Variants in FRMD4A observed in about 807,000 individuals in gnomAD.
FRMD4A encodes the protein FERM domain containing 4A, also known as FERM domain-containing protein 4A.
FRMD4A carries 29 observed loss-of-function variants against 129.1 expected under a neutral mutation model. The observed-to-expected ratio is 0.22, with a 90% CI of 0.17 to 0.31. The LOEUF is 0.31. Ranked by LOEUF, FRMD4A falls within the 10% of genes least tolerant of loss-of-function variation. The pLI, the probability that FRMD4A is intolerant of heterozygous loss-of-function variation, is 1.00. For missense variants in FRMD4A, 1,272 were observed against 1,375.8 expected (o/e 0.92, Z 1.19); for synonymous variants, 634 against 571.6 (o/e 1.11, Z -1.56).
At chr10:14,300,929 T>G (rs1846162648) in intron 2 of FRMD4A, among the ~76,000 whole-genome samples, 1 of 152,176 alleles carries the variant, frequency 6.6e-6, no homozygotes, top group Non-Finnish European at 1.5e-5. Context: ...CCTGAGAGTT[T>G]TGGCCAACAA....
intron 6 of FRMD4A, among the ~76,000 whole-genome samples, chr10:13,767,974 GGT>G (rs1011527612): frequency 3.3e-5 from 5 of 152,072 alleles, no homozygotes; most frequent in Non-Finnish European, 7.4e-5. Flanking sequence ...GTGGCCACTG[GGT>G]GTGTACTTTA....
chr10:13,657,787 G>GTTTTTTTT lies in FRMD4A; in HGVS notation c.2067-266_2067-265insAAAAAAAA, dbSNP rs1204181870. On this transcript the variant is annotated intron_variant, in intron 21 of 24. Transcript: ENST00000357447. The stretch of plus-strand genomic sequence containing the variant: ...ACTCACAGAAAGGTTTCGATTTCTG[G>GTTTTTTTT]GTTTTTTTTTTTTTTTAAATAATTC... Among the ~76,000 whole-genome samples the GTTTTTTTT allele has an allele frequency of 6.5e-3, 726 of 110,958 alleles. 10 individuals carry two copies. The highest frequency in any genetic ancestry group is 0.024 in the African/African-American group (644 of 27,080). The allele number at this position is 110,958 out of a possible 152,430, so 72.8% of individuals were successfully genotyped here. A position where few individuals can be genotyped will look rare whatever the true frequency, so the allele number is the denominator to read the frequency against.
intron 2 of FRMD4A, among the ~76,000 whole-genome samples, chr10:14,027,270 G>A (rs1430327976): frequency 6.6e-6 from 1 of 151,482 alleles, no homozygotes; most frequent in Non-Finnish European, 1.5e-5. Context: ...CAGTTGCCAA[G>A]AGAGAGTTGA....
intron 3 of FRMD4A, among the ~76,000 whole-genome samples, 176 bp downstream of exon 3, chr10:13,858,671 T>C (rs2094247905): frequency 2.0e-5 from 3 of 152,176 alleles, no homozygotes; most frequent in African/African-American, 7.2e-5. Flanking sequence ...GGTGTACAGA[T>C]ACAACCAAAA....
At position 13,656,892 on chromosome 10, in the gene FRMD4A, C is replaced by T. The variant is rs1211653927; in HGVS notation, c.2697G>A (p.Ser899=). Residue 899 remains serine (S), a synonymous_variant, in exon 22 of 25, where the codon TCG becomes TCA. Transcript: ENST00000357447. ...ACGGAGTCCGCAGGATCTGCGATCGCGACGGCGTCAGGCGGCCCGTGTCGC... is the reference window on the plus strand; with the variant it reads ...ACGGAGTCCGCAGGATCTGCGATCGTGACGGCGTCAGGCGGCCCGTGTCGC... ...DEGDTGRLTP[S]RSQILRTPSL... 5 of 1,481,618 alleles carry T rather than the reference C, an allele frequency of 3.4e-6. No homozygotes were observed. Among genetic ancestry groups the T allele is most frequent in the African/African-American group, 2.9e-5 (2 of 68,914 alleles). 91.8% of individuals were successfully genotyped at this position (1,481,618 alleles called of 1,614,324 possible). A position where few individuals can be genotyped will look rare whatever the true frequency, so the allele number is the denominator to read the frequency against.
intron 2 of FRMD4A, among the ~76,000 whole-genome samples, chr10:14,196,576 C>CA: frequency 6.6e-6 from 1 of 152,200 alleles, no homozygotes; most frequent in African/African-American, 2.4e-5. Flanking sequence ...ATGCCCAAAC[C>CA]AAAACAATAC....
intron 3 of FRMD4A, among the ~76,000 whole-genome samples, chr10:13,840,125 C>A (rs2093939546): frequency 6.6e-6 from 1 of 152,338 alleles, no homozygotes; most frequent in South Asian, 2.1e-4. Flanking sequence ...TCCTAAAATT[C>A]ATTCCCAAAG....
At chr10:13,880,550 G>T (rs920790877) in intron 2 of FRMD4A, among the ~76,000 whole-genome samples, 5 of 152,162 alleles carry the variant, frequency 3.3e-5, no homozygotes, top group African/African-American at 7.2e-5. Flanking sequence ...ACAATGGGGA[G>T]AGCCCCCCAG....
Position 13,695,804 on chromosome 10 carries a change from C to T in FRMD4A, c.976-1765G>A, listed in dbSNP as rs575019142. On this transcript the variant is annotated intron_variant, in intron 14 of 24. Coordinates refer to ENST00000357447, the MANE Select transcript of FRMD4A (RefSeq NM_018027.5). The stretch of plus-strand genomic sequence containing the variant: ...GCCATGGAGGGGTGTGGACCCACCA[C>T]TCCTGGATGCCCCGTGTACAGCCTA... Among the ~76,000 whole-genome samples the T allele has an allele frequency of 1.2e-4, 19 of 152,360 alleles. No homozygotes were observed. The South Asian group carries it at 3.9e-3, about 32-fold the overall frequency.
intron 6 of FRMD4A, among the ~76,000 whole-genome samples, chr10:13,776,258 G>A (rs2092594916): frequency 6.6e-6 from 1 of 152,166 alleles, no homozygotes; most frequent in Non-Finnish European, 1.5e-5. Flanking sequence ...CTGCAGGCAT[G>A]TGCCACCACA....
chr10:14,234,546 C>T lies in FRMD4A; in HGVS notation c.45+95512G>A, dbSNP rs565425932. Among the ~76,000 whole-genome samples the T allele has an allele frequency of 3.3e-5, 5 of 152,218 alleles. 1 individual carries two copies. Among genetic ancestry groups the T allele is most frequent in the East Asian group, 1.9e-4 (1 of 5,176 alleles). On this transcript the variant is annotated intron_variant, in intron 2 of 24. Coordinates refer to ENST00000357447, the MANE Select transcript of FRMD4A (RefSeq NM_018027.5). ...ACAAGTCGGTGGCTCTATTTGGGGA[C>T]GCCATAGCAGGGCTGGAATTCGGCA... is the stretch of plus-strand genomic sequence containing the variant.
At chr10:13,944,377 C>T (rs2095316380) in intron 2 of FRMD4A, among the ~76,000 whole-genome samples, 2 of 152,060 alleles carry the variant, frequency 1.3e-5, no homozygotes, top group Admixed American at 6.6e-5. Context: ...CACTGTCTCC[C>T]ATCACCCTCA....
At chr10:13,876,071 C>T (rs766399757) in intron 2 of FRMD4A, among the ~76,000 whole-genome samples, 6 of 152,194 alleles carry the variant, frequency 3.9e-5, no homozygotes, top group Non-Finnish European at 8.8e-5. Context: ...TGGGTTGCCC[C>T]GTTATCACTG....
intron 2 of FRMD4A, among the ~76,000 whole-genome samples, chr10:14,247,583 G>A (rs1234084811): frequency 6.6e-6 from 1 of 152,044 alleles, no homozygotes; most frequent in Non-Finnish European, 1.5e-5. Flanking sequence ...TCTGGAGTGT[G>A]GCCCAAAGAT....
chr10:13,874,909 T>C (rs1225322344), intron 2 of FRMD4A, among the ~76,000 whole-genome samples: 4 of 152,178 alleles, frequency 2.6e-5, no homozygotes, highest in African/African-American at 7.2e-5. Context: ...GTAGAGGAAA[T>C]ACCCAAGTTA....
intron 2 of FRMD4A, among the ~76,000 whole-genome samples, chr10:14,328,955 C>T (rs151046601): frequency 8.3e-4 from 126 of 152,246 alleles, no homozygotes; most frequent in African/African-American, 2.9e-3. Flanking sequence ...AGCAGAGGCC[C>T]ATGAGATAGA....
rs151201691 is a variant in FRMD4A at position 13,781,545 on chromosome 10, T to G, written c.384+1377A>C. Among the ~76,000 whole-genome samples, 27 of 151,860 alleles carry G rather than the reference T, an allele frequency of 1.8e-4. No individual in the cohort carries two copies. In the East Asian group the frequency reaches 5.3e-3, roughly 30 times the overall value. On this transcript the variant is annotated intron_variant, in intron 6 of 24. Transcript: ENST00000357447. ...GACACAAAACACCACATCTGGCTAA[T>G]TTTTGTATTTTTAATAGAGATGGGG...
chr10:13,724,525 A>C (rs1299223948), intron 12 of FRMD4A, among the ~76,000 whole-genome samples: 2 of 152,218 alleles, frequency 1.3e-5, no homozygotes, highest in African/African-American at 2.4e-5. Context: ...TTTTGGAGCG[A>C]GCGAGGCTAT....
chr10:13,744,990 C>A (rs551739220), intron 9 of FRMD4A, among the ~76,000 whole-genome samples: 177 of 152,270 alleles, frequency 1.2e-3, no homozygotes, highest in Non-Finnish European at 2.4e-3. Flanking sequence ...TATGTTCTAG[C>A]ATTTGATAGA....
Sources: gnomAD v4.1 joint callset for allele counts (sites outside exome capture counted in the v4.1 genomes callset) on GRCh38, gnomAD v4.1.1 for gene constraint, MANE v1.5 for transcripts, NCBI Gene and HGNC (gene_info 2026-07-23, HGNC 2026-07-21) for gene names.